EPM2A: variants seen among roughly 807,000 people sequenced by gnomAD.
EPM2A encodes the protein EPM2A glucan phosphatase, laforin.
EPM2A carries 21 observed loss-of-function variants against 26.5 expected under a neutral mutation model. The ratio of observed to expected loss-of-function variants is 0.79; its 90% CI spans 0.56 to 1.14. The LOEUF (loss-of-function observed/expected upper bound fraction) is 1.14. EPM2A is among the 50% of genes most tolerant of loss of function. The pLI is 0.00. For synonymous variants in EPM2A, 217 were observed against 177.6 expected (o/e 1.22, Z -1.76); for missense variants, 458 against 440.8 (o/e 1.04, Z -0.35).
At chr6:145,420,128 CA>C (rs550859036) in intron 4 of EPM2A, among the ~76,000 whole-genome samples, 16 of 152,196 alleles carry the variant, frequency 1.1e-4, no homozygotes, top group East Asian at 3.9e-4. Flanking sequence ...TAAATCATCT[CA>C]TTTTTTTGTG....
chr6:145,531,056 T>C (rs1435431851), intron 2 of EPM2A, among the ~76,000 whole-genome samples: 1 of 152,202 alleles, frequency 6.6e-6, no homozygotes, highest in Non-Finnish European at 1.5e-5. Flanking sequence ...GTCTCCACTA[T>C]GGGAGTTCCG....
chr6:145,513,252 A>G (rs1178630488), intron 2 of EPM2A, among the ~76,000 whole-genome samples: 1 of 152,244 alleles, frequency 6.6e-6, no homozygotes, highest in Admixed American at 6.5e-5. Flanking sequence ...AAAGGACATG[A>G]ACAGACATGT....
intron 2 of EPM2A, among the ~76,000 whole-genome samples, chr6:145,573,235 C>A (rs533465090): frequency 6.6e-6 from 1 of 152,316 alleles, no homozygotes; most frequent in African/African-American, 2.4e-5. Flanking sequence ...GATTATAACA[C>A]AAAGTCAGAG....
At chr6:145,606,441 T>G (rs968311879) in intron 2 of EPM2A, among the ~76,000 whole-genome samples, 1 of 151,938 alleles carries the variant, frequency 6.6e-6, no homozygotes, top group Non-Finnish European at 1.5e-5. Flanking sequence ...TATTTGTTTT[T>G]GTTTATAATA....
At chr6:145,723,216 G>A (rs1242224562) in intron 1 of EPM2A, among the ~76,000 whole-genome samples, 1 of 152,058 alleles carries the variant, frequency 6.6e-6, no homozygotes, top group Non-Finnish European at 1.5e-5. Flanking sequence ...AAAGAGTGGA[G>A]TAAAAAAATA....
chr6:145,569,331 G>GT (rs1156924485), intron 2 of EPM2A, among the ~76,000 whole-genome samples: 1 of 152,162 alleles, frequency 6.6e-6, no homozygotes, highest in Admixed American at 6.5e-5. Flanking sequence ...TCACGAGAGA[G>GT]TACATTCATA....
Position 145,526,442 on chromosome 6 carries a change from T to A in EPM2A, c.341-23867A>T, listed in dbSNP as rs1219634746. Among the ~76,000 whole-genome samples the A allele has an allele frequency of 5.3e-5, 8 of 151,812 alleles. 1 individual carries two copies. The highest frequency in any genetic ancestry group is 1.7e-4 in the African/African-American group (7 of 41,406). ...GGCTTTTTTTGGTTGGTAGATTTTT[T>A]TTATTATTATTACTGATTCATTTTC... On this transcript the variant is annotated intron_variant, in intron 2 of 3. Coordinates refer to the EPM2A transcript ENST00000450221.
chr6:145,577,715 C>T (rs1582869753), intron 2 of EPM2A, among the ~76,000 whole-genome samples: 2 of 152,130 alleles, frequency 1.3e-5, no homozygotes, highest in East Asian at 3.9e-4. Context: ...AAGACATTTA[C>T]AGAGCATTTT....
intron 2 of EPM2A, 71 bp downstream of exon 2, chr6:145,686,051 T>C (rs1780880244): frequency 1.4e-6 from 2 of 1,426,530 alleles, no homozygotes; most frequent in East Asian, 2.3e-5. Context: ...TCGAACACAG[T>C]AAATATTTCC....
intron 2 of EPM2A, among the ~76,000 whole-genome samples, chr6:145,529,560 T>C (rs1268569825): frequency 6.6e-6 from 1 of 152,208 alleles, no homozygotes; most frequent in Non-Finnish European, 1.5e-5. Context: ...TTAGACATAA[T>C]GCTATTACAC....
At chr6:145,545,334 A>G (rs1377122386) in intron 2 of EPM2A, among the ~76,000 whole-genome samples, 1 of 152,148 alleles carries the variant, frequency 6.6e-6, no homozygotes, top group African/African-American at 2.4e-5. Flanking sequence ...TGACTTGTGC[A>G]GAGTCAAGAA....
chr6:145,395,132 C>T (rs1413931810), intron 4 of EPM2A, among the ~76,000 whole-genome samples: 1 of 152,128 alleles, frequency 6.6e-6, no homozygotes, highest in Non-Finnish European at 1.5e-5. Context: ...TCCCCTCTCT[C>T]CACTATCAAG....
chr6:145,619,159 C>T (rs1039880469), intron 2 of EPM2A, among the ~76,000 whole-genome samples: 6 of 137,304 alleles, frequency 4.4e-5, no homozygotes, highest in Non-Finnish European at 8.1e-5. Context: ...GGAGGTCTGG[C>T]AAAAAAAAAA....
intron 2 of EPM2A, among the ~76,000 whole-genome samples, chr6:145,514,619 G>A (rs1024166179): frequency 6.6e-6 from 1 of 152,132 alleles, no homozygotes; most frequent in African/African-American, 2.4e-5. Context: ...ATAATATAGA[G>A]CAGTGTTTCT....
intron 2 of EPM2A, among the ~76,000 whole-genome samples, chr6:145,513,680 T>C (rs1436077658): frequency 6.6e-6 from 1 of 152,254 alleles, no homozygotes; most frequent in Non-Finnish European, 1.5e-5. Context: ...AGCAAAAATA[T>C]GAATATTGAT....
At chr6:145,390,873 C>T (rs536191832) in intron 4 of EPM2A, among the ~76,000 whole-genome samples, 91 of 152,174 alleles carry the variant, frequency 6.0e-4, no homozygotes, top group Non-Finnish European at 1.0e-3. Context: ...ACCTTCTTTC[C>T]ATCTCAATAT....
At chr6:145,407,785 TA>T in intron 4 of EPM2A, among the ~76,000 whole-genome samples, 1 of 152,286 alleles carries the variant, frequency 6.6e-6, no homozygotes, top group South Asian at 2.1e-4. Flanking sequence ...AAATTATTCT[TA>T]AAAAATTGTC....
chr6:145,398,061 A>T (rs1311419926), intron 4 of EPM2A, among the ~76,000 whole-genome samples: 1 of 151,680 alleles, frequency 6.6e-6, no homozygotes, highest in East Asian at 1.9e-4. Context: ...ATGCACATCT[A>T]TTTTCTAATT....
At chr6:145,671,475 C>T (rs1211066661) in intron 2 of EPM2A, 2 of 728,812 alleles carry the variant, frequency 2.7e-6, no homozygotes, top group Non-Finnish European at 3.4e-6. Context: ...TGATATAAGC[C>T]TTAGCTTTTG....
Sources: gnomAD v4.1 joint callset for allele counts (sites outside exome capture counted in the v4.1 genomes callset) on GRCh38, gnomAD v4.1.1 for gene constraint, MANE v1.5 for transcripts, NCBI Gene and HGNC (gene_info 2026-07-23, HGNC 2026-07-21) for gene names.